The following COL9A1 variants were observed in gnomAD, a reference collection of about 807,000 sequenced individuals.
The protein encoded by COL9A1 is collagen alpha-1(IX) chain.
In COL9A1, 104 loss-of-function variants were observed where a neutral mutation model predicts 142.6. The observed-to-expected ratio is 0.73, with a 90% CI of 0.62 to 0.86. COL9A1 has a LOEUF of 0.86. Among genes scored for constraint, COL9A1 ranks in the 40% least tolerant of loss-of-function variants. COL9A1 has a pLI of 0.00. For synonymous variants in COL9A1, 466 were observed against 396.0 expected (o/e 1.18, Z -2.10); for missense variants, 1,210 against 1,176.6 (o/e 1.03, Z -0.42).
Position 70,232,633 on chromosome 6 carries a change from A to G in COL9A1, c.2453T>C (p.Leu818Pro), listed in dbSNP as rs1438856749. The G allele has an allele frequency of 6.2e-7, 1 of 1,614,118 alleles. No homozygotes were observed. The highest frequency in any genetic ancestry group is 8.5e-7 in the Non-Finnish European group (1 of 1,180,026). The change falls in exon 36 of 38, where the codon CTT (leucine) becomes CCT (proline). Residue 818 changes from leucine (L) to proline (P), a missense_variant. Transcript: ENST00000357250. ...GFPGQMGIRG[L>P]PGIKGPPGAL... is the part of the protein sequence containing the mutation. The stretch of plus-strand genomic sequence containing the variant: ...ACCAGGGGGCCCCTTAATGCCCGGA[A>G]GGCCACGAATTCCCATCTGGCCTGG...
At chr6:70,293,299 T>C (rs1773721513) in intron 5 of COL9A1, among the ~76,000 whole-genome samples, 1 of 152,206 alleles carries the variant, frequency 6.6e-6, no homozygotes, top group Non-Finnish European at 1.5e-5. Context: ...ATTTTCTAAA[T>C]TCCTATCATA....
chr6:70,296,313 A>G lies in COL9A1; in HGVS notation c.300-1750T>C, dbSNP rs1020923689. 6.6e-5 allele frequency among the ~76,000 whole-genome samples: 10 copies of G among 152,228 alleles called. No homozygotes were observed. The South Asian group carries it at 1.7e-3, about 25-fold the overall frequency. On this transcript the variant is annotated intron_variant, in intron 4 of 37. Transcript: ENST00000357250. ...GTATGGGATGAATTATTTTATCCAT[A>G]CATCTTTTTTTCACTGGTGACATGT...
chr6:70,283,120 C>T, intron 6 of COL9A1: 2 of 1,536,946 alleles, frequency 1.3e-6, no homozygotes, highest in South Asian at 2.4e-5. Context: ...CTTCCAGACC[C>T]GCCACTAGCA....
chr6:70,247,778 A>C (rs1289523590), intron 28 of COL9A1, among the ~76,000 whole-genome samples: 1 of 152,208 alleles, frequency 6.6e-6, no homozygotes, highest in Non-Finnish European at 1.5e-5. Flanking sequence ...GTATGTTTAC[A>C]TATGCCCTCA....
rs1322800124 is a variant in COL9A1, at chr6:70,241,991, AG to A, written c.1970del (p.Pro657LeufsTer6). 4 of 1,599,446 alleles carry A rather than the reference AG, an allele frequency of 2.5e-6. No individual in the cohort carries two copies. The highest frequency in any genetic ancestry group is 3.4e-6 in the Non-Finnish European group (4 of 1,171,890). Reference protein sequence around the residue: ...SPGLPGLPGPPGLPGMKGDRG... With the variant: ...SPGLPGLPGPXGLPGMKGDRG... ...TGTCACCTTTCATTCCAGGAAGTCC[AG>A]GGGGCCCAGGCAAGCCAGGGAGGCC... On this transcript the variant is annotated frameshift_variant, in exon 30 of 38. Coordinates refer to ENST00000357250, the MANE Select transcript of COL9A1 (RefSeq NM_001851.6). LOFTEE classifies it high-confidence loss of function.
chr6:70,283,342 A>T (rs1773296182), intron 6 of COL9A1: 2 of 1,030,598 alleles, frequency 1.9e-6, no homozygotes, highest in Non-Finnish European at 2.7e-6. Context: ...AGGACTGAGC[A>T]CGCAGCTCTG....
rs603410 is a variant in COL9A1, at chr6:70,274,945, G to T, written c.976-173C>A. 26,940 of 610,962 alleles carry T rather than the reference G, an allele frequency of 0.044. 1,819 individuals are homozygous for T. Among genetic ancestry groups the T allele is most frequent in the African/African-American group, 0.2 (10,840 of 53,968 alleles). The allele number at this position is 610,962 out of a possible 1,614,324, so 37.8% of individuals were successfully genotyped here. On this transcript the variant is annotated intron_variant, in intron 10 of 37. Coordinates refer to ENST00000357250, the MANE Select transcript of COL9A1 (RefSeq NM_001851.6). Reference sequence around the variant, plus strand: ...TCTTACTCAAAAGTAAAGATTAACAGAAGATCTGCCTGTTGTGATTATTTC... The same window carrying T: ...TCTTACTCAAAAGTAAAGATTAACATAAGATCTGCCTGTTGTGATTATTTC...
intron 29 of COL9A1, chr6:70,242,280 C>T: frequency 3.4e-6 from 2 of 586,400 alleles, no homozygotes; most frequent in Non-Finnish European, 6.1e-6. Context: ...CAACAGTAGG[C>T]TTTTTCAGTC....
At chr6:70,280,701 C>A (rs893520102) in intron 10 of COL9A1, 111 bp downstream of exon 10, 33 of 1,410,348 alleles carry the variant, frequency 2.3e-5, no homozygotes, top group Non-Finnish European at 3.1e-5. Context: ...AGAGCCACAG[C>A]GCGTTCTCTC....
intron 4 of COL9A1, among the ~76,000 whole-genome samples, chr6:70,294,903 C>G (rs1387145067): frequency 6.6e-6 from 1 of 152,306 alleles, no homozygotes; most frequent in South Asian, 2.1e-4. Context: ...AAAATACATT[C>G]TTGCAAAGTT....
At chr6:70,239,872 A>G (rs1358025829) in intron 32 of COL9A1, among the ~76,000 whole-genome samples, 2 of 152,246 alleles carry the variant, frequency 1.3e-5, no homozygotes, top group Non-Finnish European at 2.9e-5. Flanking sequence ...CGATTTTAAC[A>G]GAAAATGAAA....
chr6:70,273,583 C>T (rs567713733), intron 12 of COL9A1, among the ~76,000 whole-genome samples: 1 of 152,074 alleles, frequency 6.6e-6, no homozygotes, highest in South Asian at 2.1e-4. Context: ...CCATATTGTG[C>T]AAATGCAGAA....
chr6:70,265,603 A>T (rs1317447690), intron 18 of COL9A1, among the ~76,000 whole-genome samples: 1 of 151,694 alleles, frequency 6.6e-6, no homozygotes, highest in Non-Finnish European at 1.5e-5. Flanking sequence ...AATTTTTAAG[A>T]TTCAATGGAA....
At chr6:70,236,800 A>G (rs1769936697) in intron 33 of COL9A1, among the ~76,000 whole-genome samples, 1 of 152,000 alleles carries the variant, frequency 6.6e-6, no homozygotes, top group Non-Finnish European at 1.5e-5. Context: ...TCAGGTGCCT[A>G]GGGTGCAAAA....
intron 11 of COL9A1, 108 bp from the exon 12 acceptor site, chr6:70,274,190 T>G: frequency 1.2e-6 from 1 of 849,586 alleles, no homozygotes; most frequent in Non-Finnish European, 1.8e-6. Flanking sequence ...ATGGTGTTTT[T>G]TTTTTTTAAA....
Position 70,269,652 on chromosome 6 carries a change from A to C in COL9A1, c.1211T>G (p.Phe404Cys). The change falls in exon 16 of 38, where the codon TTT (phenylalanine) becomes TGT (cysteine). Residue 404 changes from phenylalanine to cysteine, a missense_variant. Coordinates refer to ENST00000357250, the MANE Select transcript of COL9A1 (RefSeq NM_001851.6). ...TCTTACCAATGGATCTCCATCATGAAAGCCAATTGTTCCCTAAAGTAAACA... is the reference window on the plus strand; with the variant it reads ...TCTTACCAATGGATCTCCATCATGACAGCCAATTGTTCCCTAAAGTAAACA... ...GPPGPRGTIG[F>C]HDGDPLCPNA... 1 of 1,594,076 alleles carries C rather than the reference A, an allele frequency of 6.3e-7. No individual in the cohort carries two copies. The highest frequency in any genetic ancestry group is 8.6e-7 in the Non-Finnish European group (1 of 1,161,726).
At chr6:70,236,111 TC>T (rs1769889812) in intron 33 of COL9A1, among the ~76,000 whole-genome samples, 1 of 25,694 alleles carries the variant, frequency 3.9e-5, no homozygotes. Context: ...AGACTCCATC[TC>T]AAAAAAAAAA....
chr6:70,299,276 T>C (rs540248731), intron 4 of COL9A1, among the ~76,000 whole-genome samples: 3 of 152,220 alleles, frequency 2.0e-5, no homozygotes, highest in Non-Finnish European at 2.9e-5. Context: ...TTATTTATCT[T>C]TATAACTTAA....
At chr6:70,227,332 A>G (rs1303362027) in intron 36 of COL9A1, among the ~76,000 whole-genome samples, 3 of 151,218 alleles carry the variant, frequency 2.0e-5, no homozygotes, top group African/African-American at 7.3e-5. Flanking sequence ...AAAATACATG[A>G]GCAGGCAGGC....
Sources: gnomAD v4.1 joint callset for allele counts (sites outside exome capture counted in the v4.1 genomes callset) on GRCh38, gnomAD v4.1.1 for gene constraint, MANE v1.5 for transcripts, NCBI Gene and HGNC (gene_info 2026-07-23, HGNC 2026-07-21) for gene names.